The following TSNARE1 variants were observed in gnomAD, a reference collection of about 807,000 sequenced individuals.
TSNARE1 encodes t-SNARE domain-containing protein 1.
TSNARE1 carries 49 observed loss-of-function variants against 62.0 expected under a neutral mutation model. The observed-to-expected ratio is 0.79, with a 90% CI of 0.63 to 1.00. The LOEUF (loss-of-function observed/expected upper bound fraction) is 1.00, where lower values mean the gene tolerates loss of function less well. TSNARE1 is among the 50% of genes least tolerant of loss of function. TSNARE1 has a pLI of 0.00. For missense variants in TSNARE1, 755 were observed against 700.1 expected (o/e 1.08, Z -0.88); for synonymous variants, 328 against 294.4 (o/e 1.11, Z -1.17).
chr8:142,274,552 G>A lies in TSNARE1; in HGVS notation c.1446+229C>T, dbSNP rs972741205. On this transcript the variant is annotated intron_variant, in intron 12 of 13. Coordinates refer to ENST00000524325, the MANE Select transcript of TSNARE1 (RefSeq NM_145003.5). ...AGGGCGGCGTGGTGCATACAAGAGA[G>A]GAGACGGTGCCGACCGCTGTGGGCA... is the stretch of plus-strand genomic sequence containing the variant. 8 of 985,336 alleles carry A rather than the reference G, an allele frequency of 8.1e-6. No homozygotes were observed. The Admixed American group carries it at 4.9e-4, about 61-fold the overall frequency. 61.0% of individuals were successfully genotyped at this position (985,336 alleles called of 1,614,324 possible). A position where few individuals can be genotyped will look rare whatever the true frequency, so the allele number is the denominator to read the frequency against.
chr8:142,348,842 G>A (rs117253974), intron 2 of TSNARE1, among the ~76,000 whole-genome samples: 3,049 of 152,148 alleles, frequency 0.02, 45 homozygotes, highest in Non-Finnish European at 0.03. Flanking sequence ...ATGAGTTGAC[G>A]ACTCACTAGC....
chr8:142,401,374 T>C (rs1838279250), intron 1 of TSNARE1, among the ~76,000 whole-genome samples: 3 of 149,262 alleles, frequency 2.0e-5, no homozygotes, highest in African/African-American at 7.6e-5. Flanking sequence ...AGGCTCTGCA[T>C]CGACAGGCAC....
Position 142,291,621 on chromosome 8 carries a change from G to A in TSNARE1, c.1291-7136C>T, listed in dbSNP as rs936740877. Among the ~76,000 whole-genome samples, 2 of 150,808 alleles carry A rather than the reference G, an allele frequency of 1.3e-5. No homozygotes were observed. Among genetic ancestry groups the A allele is most frequent in the Non-Finnish European group, 3.0e-5 (2 of 67,752 alleles). The stretch of plus-strand genomic sequence containing the variant: ...GTCAGGCCGGTGAGCTGCTGCGAAC[G>A]CAGACGTGACGGGAACAGGCAACGC... On this transcript the variant is annotated intron_variant, in intron 10 of 13. Transcript: ENST00000524325. The surrounding 1 kb of genome is among the most constrained non-coding windows in gnomAD (Gnocchi z 4.8).
chr8:142,222,979 CTCAT>C (rs1483695189), intron 13 of TSNARE1, among the ~76,000 whole-genome samples: 1 of 151,160 alleles, frequency 6.6e-6, no homozygotes, highest in East Asian at 2.0e-4. Context: ...CACTCACTCA[CTCAT>C]TCACTCACTC....
At chr8:142,278,239 A>C in intron 11 of TSNARE1, 1 of 985,316 alleles carries the variant, frequency 1.0e-6, no homozygotes, top group Non-Finnish European at 1.2e-6. Flanking sequence ...GCGTCTCCCA[A>C]CCAGTCCGGC....
chr8:142,223,551 TTCAC>T (rs139099930), intron 13 of TSNARE1, among the ~76,000 whole-genome samples: 1,059 of 12,418 alleles, frequency 0.085, 247 homozygotes, highest in Middle Eastern at 0.33. Context: ...CACTCACTCA[TTCAC>T]TCACTCACTC....
intron 1 of TSNARE1, among the ~76,000 whole-genome samples, chr8:142,364,117 G>A (rs1835360635): frequency 6.6e-6 from 1 of 152,210 alleles, no homozygotes; most frequent in South Asian, 2.1e-4. Flanking sequence ...GCGCCCCATG[G>A]CTGCAGTGCC....
intron 11 of TSNARE1, among the ~76,000 whole-genome samples, chr8:142,280,978 G>A (rs1821345964): frequency 6.6e-6 from 1 of 152,236 alleles, no homozygotes; most frequent in African/African-American, 2.4e-5. Flanking sequence ...CCAGGGAGCA[G>A]CAGGGTGCTT....
chr8:142,306,087 C>G (rs999977485), intron 9 of TSNARE1, among the ~76,000 whole-genome samples: 1 of 152,176 alleles, frequency 6.6e-6, no homozygotes, highest in Non-Finnish European at 1.5e-5. Context: ...TTTTCAGGAG[C>G]CCCAGATAGC....
intron 1 of TSNARE1, among the ~76,000 whole-genome samples, chr8:142,357,252 A>T (rs1834818875): frequency 6.6e-6 from 1 of 152,230 alleles, no homozygotes; most frequent in Admixed American, 6.5e-5. Context: ...CCTCAAGAGC[A>T]CAAGCCGTCT....
At chr8:142,343,175 T>G (rs531919467) in intron 4 of TSNARE1, among the ~76,000 whole-genome samples, 2 of 152,334 alleles carry the variant, frequency 1.3e-5, no homozygotes, top group Admixed American at 6.5e-5. Context: ...ACTGCAGCTC[T>G]GAGCAGATGC....
At chr8:142,352,121 C>A (rs755500442) in intron 2 of TSNARE1, among the ~76,000 whole-genome samples, 1 of 152,222 alleles carries the variant, frequency 6.6e-6, no homozygotes, top group Non-Finnish European at 1.5e-5. Context: ...GAAGCCGGCC[C>A]GGCCTGGATT....
chr8:142,259,698 G>C (rs1291126041), intron 12 of TSNARE1, among the ~76,000 whole-genome samples: 1 of 152,152 alleles, frequency 6.6e-6, no homozygotes, highest in Non-Finnish European at 1.5e-5. Context: ...GCCTCTTACA[G>C]GGCTGCCACC....
intron 10 of TSNARE1, among the ~76,000 whole-genome samples, chr8:142,296,390 GGGTGGTCACTGTCATGGAGGAGA>G (rs1824750183): frequency 3.1e-5 from 4 of 128,536 alleles, no homozygotes; most frequent in Admixed American, 1.5e-4. Flanking sequence ...CATGGGGGAG[GGGTGGTCACTGTCATGGAGGAGA>G]GGTGGTCACT....
intron 10 of TSNARE1, among the ~76,000 whole-genome samples, chr8:142,293,297 A>G (rs1000706819): frequency 6.6e-6 from 1 of 152,160 alleles, no homozygotes; most frequent in Non-Finnish European, 1.5e-5. Context: ...CCCGAGGCAG[A>G]GGGCCGGGAC....
chr8:142,220,531 G>A (rs1816161943), intron 13 of TSNARE1, among the ~76,000 whole-genome samples: 1 of 152,186 alleles, frequency 6.6e-6, no homozygotes, highest in Non-Finnish European at 1.5e-5. Context: ...AGGCCCGGGT[G>A]GCCTCCAGGT....
chr8:142,285,440 G>A (rs1206415648), intron 10 of TSNARE1, among the ~76,000 whole-genome samples: 1 of 146,468 alleles, frequency 6.8e-6, no homozygotes, highest in African/African-American at 2.5e-5. Context: ...GGATAGATGT[G>A]TGGGTGGGTG....
chr8:142,222,295 C>CTAAT (rs1481727692), intron 13 of TSNARE1, among the ~76,000 whole-genome samples: 497 of 24,840 alleles, frequency 0.02, 164 homozygotes, highest in Non-Finnish European at 0.031. Flanking sequence ...TTCACTCTCA[C>CTAAT]TCATTCACTC....
Position 142,354,629 on chromosome 8 carries a change from A to G in TSNARE1, c.88+8T>C, listed in dbSNP as rs370056325. The G allele has an allele frequency of 5.0e-6, 8 of 1,606,240 alleles. No homozygotes were observed. The African/African-American group carries it at 8.1e-5, about 16-fold the overall frequency. On this transcript the variant is annotated splice_region_variant and intron_variant, in intron 2 of 13. Transcript: ENST00000524325. Reference sequence around the variant, plus strand: ...CTCCCCGCCCCCACTTCCAGCTACTATCATTACCTAGGGGCTGACAGCCTT... The same window carrying G: ...CTCCCCGCCCCCACTTCCAGCTACTGTCATTACCTAGGGGCTGACAGCCTT...
Sources: gnomAD v4.1 joint callset for allele counts (sites outside exome capture counted in the v4.1 genomes callset) on GRCh38, gnomAD v4.1.1 for gene constraint, Gnocchi (gnomAD v3.1) non-coding constraint, MANE v1.5 for transcripts, NCBI Gene and HGNC (gene_info 2026-07-23, HGNC 2026-07-21) for gene names.